PLAT: variants seen among roughly 807,000 people sequenced by gnomAD.
PLAT encodes plasminogen activator, tissue type, also known as tissue-type plasminogen activator.
Under a neutral mutation model 74.9 loss-of-function variants are expected in PLAT, and 48 were observed. The ratio of observed to expected loss-of-function variants is 0.64; its 90% confidence interval spans 0.51 to 0.82. The LOEUF (loss-of-function observed/expected upper bound fraction) is 0.82. Ranked by LOEUF, PLAT falls within the 40% of genes least tolerant of loss-of-function variation. The pLI is 0.00. For synonymous variants in PLAT, 307 were observed against 294.4 expected (o/e 1.04, Z -0.44); for missense variants, 673 against 736.2 (o/e 0.91, Z 0.99).
At position 42,189,034 on chromosome 8, in the gene PLAT, C is replaced by T. The variant is rs760014631; in HGVS notation, c.153G>A (p.Gln51=). 7 of 1,613,916 alleles carry T rather than the reference C, an allele frequency of 4.3e-6. No homozygotes were observed. The highest frequency in any genetic ancestry group is 1.3e-5 in the African/African-American group (1 of 74,932). Residue 51 remains glutamine (Q), a synonymous_variant, in exon 4 of 14, where the codon CAG becomes CAA. Transcript: ENST00000220809. ...CRDEKTQMIY[Q]QHQSWLRPVL... ...CAGGGCGCAGCCATGACTGATGTTG[C>T]TGGTATATCATCTGCGTTTTTTCAT... is the stretch of plus-strand genomic sequence containing the variant.
At position 42,203,690 on chromosome 8, in the gene PLAT, C is replaced by CA. The variant is rs532020375; in HGVS notation, c.-27+3803dup. ...CAAAATATCACTAAGAGGGACTGGGCACAGTGGCTCTTGCCTGTAATCCCA... is the reference window on the plus strand; with the variant it reads ...CAAAATATCACTAAGAGGGACTGGGCAACAGTGGCTCTTGCCTGTAATCCCA... On this transcript the variant is annotated intron_variant, in intron 1 of 13. Transcript: ENST00000220809. Among the ~76,000 whole-genome samples, 119 of 152,176 alleles carry CA rather than the reference C, an allele frequency of 7.8e-4. 1 individual carries two copies. The East Asian group carries it at 0.013, about 17-fold the overall frequency.
chr8:42,198,909 C>T (rs2129804943), intron 1 of PLAT, among the ~76,000 whole-genome samples: 1 of 152,300 alleles, frequency 6.6e-6, no homozygotes, highest in South Asian at 2.1e-4. Context: ...CAGATGAATG[C>T]CAACAATTAA....
intron 9 of PLAT, 188 bp from the exon 10 acceptor site, chr8:42,180,873 T>C: frequency 3.7e-6 from 2 of 537,006 alleles, no homozygotes; most frequent in Non-Finnish European, 6.5e-6. Flanking sequence ...GAGACGTTTT[T>C]GCCCAAGGTT....
At chr8:42,193,953 A>G (rs11986980) in intron 1 of PLAT, among the ~76,000 whole-genome samples, 47 of 149,346 alleles carry the variant, frequency 3.1e-4, no homozygotes, top group African/African-American at 9.6e-4. Flanking sequence ...TGACCTCGTG[A>G]TCCGCTCGCC....
intron 1 of PLAT, among the ~76,000 whole-genome samples, chr8:42,199,629 C>A (rs1806051675): frequency 1.3e-5 from 2 of 152,136 alleles, no homozygotes; most frequent in South Asian, 4.1e-4. Context: ...GCCTGGTAAT[C>A]CCGGTTATTT....
intron 1 of PLAT, among the ~76,000 whole-genome samples, chr8:42,205,554 A>G (rs1167951345): frequency 2.0e-5 from 3 of 152,196 alleles, no homozygotes; most frequent in Non-Finnish European, 4.4e-5. Context: ...CACTGAGCCA[A>G]CTAAGGCATA....
chr8:42,180,821 T>C, intron 9 of PLAT, 136 bp from the exon 10 acceptor site: 1 of 648,252 alleles, frequency 1.5e-6, no homozygotes, highest in Non-Finnish European at 2.6e-6. Flanking sequence ...ATGTTGTCCA[T>C]ACATTCTCTT....
chr8:42,192,256 G>A (rs866562232), intron 2 of PLAT, among the ~76,000 whole-genome samples: 1 of 151,878 alleles, frequency 6.6e-6, no homozygotes, highest in Non-Finnish European at 1.5e-5. Context: ...CTCCCACCTC[G>A]GCCTCCCAAA....
At position 42,185,143 on chromosome 8, in the gene PLAT, C is replaced by T; in HGVS notation, c.569G>A (p.Cys190Tyr). 6.2e-7 allele frequency: 1 copy of T among 1,612,522 alleles called. No individual in the cohort carries two copies. The change falls in exon 7 of 14, where the codon TGC becomes TAC. Residue 190 changes from cysteine to tyrosine, a missense_variant. Cys to Tyr is a radical substitution (Grantham distance 194). Coordinates refer to ENST00000220809, the MANE Select transcript of PLAT (RefSeq NM_000930.5). ...GTACTTCCCCGCCTTAAAGACGTAG[C>T]ACCAGGGCTTTGAGTCTCGATCTGG... ...RNPDRDSKPW[C>Y]YVFKAGKYSS...
Position 42,178,889 on chromosome 8 carries a change from C to T in PLAT, c.1530+8G>A. ...TGTGCCCAGCATGGGCGCGCCACTC[C>T]TGGTTACCTGGCAGGCGTCGTGCAA... is the stretch of plus-strand genomic sequence containing the variant. On this transcript the variant is annotated splice_region_variant and intron_variant, in intron 13 of 13. Transcript: ENST00000220809. 1 of 1,612,544 alleles carries T rather than the reference C, an allele frequency of 6.2e-7. No homozygotes were observed. The highest frequency in any genetic ancestry group is 2.0e-4 in the Middle Eastern group (1 of 5,112).
chr8:42,179,941 C>T lies in PLAT; in HGVS notation c.1348G>A (p.Gly450Ser), dbSNP rs1043243956. The T allele has an allele frequency of 5.6e-6, 9 of 1,601,268 alleles. No homozygotes were observed. The highest frequency in any genetic ancestry group is 7.7e-6 in the Non-Finnish European group (9 of 1,172,406). Residue 450 changes from glycine to serine, a missense_variant, in exon 12 of 14, where the codon GGC (glycine) becomes AGC (serine). Physicochemically the swap from Gly to Ser is moderately conservative, Grantham distance 56. Coordinates refer to ENST00000220809, the MANE Select transcript of PLAT (RefSeq NM_000930.5). ...TTCCACTTACAGGCCTCATGCTTGC[C>T]GTAGCCGGAGAGCTCACACTCCGTC... ...DWTECELSGY[G>S]KHEALSPFYS... is the part of the protein sequence containing the mutation.
chr8:42,194,231 AGAGAGAGAGAGTGTGTGTGTGT>A (rs1380678700), intron 1 of PLAT, among the ~76,000 whole-genome samples: 945 of 68,448 alleles, frequency 0.014, 3 homozygotes, highest in Non-Finnish European at 0.029. Context: ...AGAGAGAGAG[AGAGAGAGAGAGTGTGTGTGTGT>A]GTGTGTGTGT....
At chr8:42,185,212 G>T in intron 6 of PLAT, 40 bp from the exon 7 acceptor site, 1 of 1,341,482 alleles carries the variant, frequency 7.5e-7, no homozygotes, top group Non-Finnish European at 1.1e-6. Context: ...GTAGGTCAAA[G>T]GTGAAGCCTC....
In PLAT at chr8:42,180,288, G is replaced by T. The variant is rs1425633140; in HGVS notation, c.1176C>A (p.Tyr392Ter). The change falls in exon 11 of 14, where the codon TAC becomes TAA. Residue 392 changes from tyrosine to a stop codon, truncating the protein, a stop_gained. Coordinates refer to ENST00000220809, the MANE Select transcript of PLAT (RefSeq NM_000930.5). LOFTEE classifies it high-confidence loss of function. ...CATCATCGAATTCCTTATGGACAAT[G>T]TATTTTTCGACTTCAAATTTCTGCT... ...EEEQKFEVEK[Y>*]IVHKEFDDDT... The T allele has an allele frequency of 6.2e-7, 1 of 1,614,194 alleles. No homozygotes were observed. The highest frequency in any genetic ancestry group is 2.2e-5 in the East Asian group (1 of 44,892).
At chr8:42,204,057 G>T (rs1211882900) in intron 1 of PLAT, among the ~76,000 whole-genome samples, 1 of 149,800 alleles carries the variant, frequency 6.7e-6, no homozygotes, top group Non-Finnish European at 1.5e-5. Flanking sequence ...AAGAGAATGT[G>T]CTGTCTTTTT....
chr8:42,180,782 A>G, intron 9 of PLAT, 97 bp from the exon 10 acceptor site: 2 of 807,826 alleles, frequency 2.5e-6, no homozygotes, highest in East Asian at 2.6e-5. Flanking sequence ...TAAAACCACA[A>G]CTTTCACTTG....
At chr8:42,195,527 C>G (rs1361043615) in intron 1 of PLAT, 1 of 152,284 alleles carries the variant, frequency 6.6e-6, no homozygotes, top group Admixed American at 6.5e-5. Context: ...TCCCTTTCTC[C>G]CCGGGAGGAA....
chr8:42,191,910 A>G (rs1042635680), intron 2 of PLAT, among the ~76,000 whole-genome samples: 2 of 149,522 alleles, frequency 1.3e-5, no homozygotes, highest in African/African-American at 5.0e-5. Flanking sequence ...ATTTTCAGAG[A>G]GTGTGTGTAG....
chr8:42,190,082 T>C (rs1390594458), intron 3 of PLAT, among the ~76,000 whole-genome samples: 1 of 152,066 alleles, frequency 6.6e-6, no homozygotes, highest in African/African-American at 2.4e-5. Context: ...AGCTAATTTT[T>C]AAATTTTTTT....
Sources: gnomAD v4.1 joint callset for allele counts (sites outside exome capture counted in the v4.1 genomes callset) on GRCh38, gnomAD v4.1.1 for gene constraint, MANE v1.5 for transcripts, NCBI Gene and HGNC (gene_info 2026-07-23, HGNC 2026-07-21) for gene names.